Variants in GALNT13 observed in about 807,000 individuals in gnomAD.
GALNT13 encodes the protein UDP-GalNAc:polypeptide N-acetylgalactosaminyltransferase 13.
Under a neutral mutation model 64.2 loss-of-function variants are expected in GALNT13, and 28 were observed. The observed-to-expected ratio is 0.44, with a 90% CI of 0.32 to 0.60. The LOEUF (loss-of-function observed/expected upper bound fraction) is 0.60, where lower values mean the gene tolerates loss of function less well. GALNT13 is among the 20% of genes least tolerant of loss of function. The pLI, the probability that GALNT13 is intolerant of heterozygous loss-of-function variation, is 0.05. For synonymous variants in GALNT13, 214 were observed against 224.6 expected, an observed-to-expected ratio of 0.95 and a Z score of 0.42; for missense variants, 577 against 669.8, an observed-to-expected ratio of 0.86 and a Z score of 1.53.
At chr2:153,111,975 G>T in the GALNT13 span, among the ~76,000 whole-genome samples, 1 of 152,062 alleles carries the variant, frequency 6.6e-6, no homozygotes, top group African/African-American at 2.4e-5. Flanking sequence ...TTATTTAAAA[G>T]ACTATACTAG....
intron 4 of GALNT13, among the ~76,000 whole-genome samples, chr2:154,154,984 A>C (rs1416865327): frequency 1.3e-5 from 2 of 151,768 alleles, no homozygotes; most frequent in Non-Finnish European, 2.9e-5. Flanking sequence ...ATACATATAC[A>C]AAGAGAAACA....
chr2:154,150,309 G>A (rs1450515708), intron 4 of GALNT13, among the ~76,000 whole-genome samples: 2 of 152,098 alleles, frequency 1.3e-5, no homozygotes, highest in Non-Finnish European at 2.9e-5. Flanking sequence ...GCTTTTTGAT[G>A]TGCTGCTGGA....
the GALNT13 span, among the ~76,000 whole-genome samples, chr2:153,370,170 T>C: frequency 1.3e-5 from 2 of 152,306 alleles, no homozygotes; most frequent in Admixed American, 6.5e-5. Flanking sequence ...AGTAATTGTA[T>C]ATCTATTTAT....
At chr2:153,125,333 G>T in the GALNT13 span, among the ~76,000 whole-genome samples, 42 of 151,982 alleles carry the variant, frequency 2.8e-4, no homozygotes, top group African/African-American at 1.0e-3. Context: ...GGTTGTGCAT[G>T]TTTGAAGTTT....
At chr2:154,284,706 C>T (rs1692162173) in intron 8 of GALNT13, among the ~76,000 whole-genome samples, 1 of 152,038 alleles carries the variant, frequency 6.6e-6, no homozygotes, top group African/African-American at 2.4e-5. Flanking sequence ...TGAATATATA[C>T]CCAGAAGTGG....
chr2:154,261,468 A>T (rs988284256), intron 8 of GALNT13, among the ~76,000 whole-genome samples: 1 of 152,120 alleles, frequency 6.6e-6, no homozygotes, highest in African/African-American at 2.4e-5. Context: ...GTAGACATTG[A>T]TAAGGAAAAA....
chr2:154,099,160 C>G (rs1341683788), intron 3 of GALNT13, among the ~76,000 whole-genome samples: 7 of 152,038 alleles, frequency 4.6e-5, no homozygotes, highest in Non-Finnish European at 8.8e-5. Context: ...TTGCATTTGT[C>G]TAACAATTAG....
the GALNT13 span, chr2:153,337,822 TAGTC>T: frequency 1.3e-5 from 2 of 152,178 alleles, no homozygotes; most frequent in Non-Finnish European, 2.9e-5. Flanking sequence ...TTATTAATAA[TAGTC>T]AGAGACCTCA....
the GALNT13 span, among the ~76,000 whole-genome samples, chr2:153,743,797 A>G: frequency 6.6e-6 from 1 of 152,056 alleles, no homozygotes; most frequent in African/African-American, 2.4e-5. Flanking sequence ...TGTACCCATT[A>G]ACCTTCCCCA....
At chr2:153,698,010 A>G in the GALNT13 span, among the ~76,000 whole-genome samples, 1 of 152,216 alleles carries the variant, frequency 6.6e-6, no homozygotes, top group African/African-American at 2.4e-5. Flanking sequence ...TCATAAGTGA[A>G]GGAGAAATAA....
rs144903202 is a variant in GALNT13, at chr2:154,147,319, A to G, written c.311+6814A>G. ...GAGAATGGAATGACTATATACATAT[A>G]TATGTATTTGAATGGAATATATATA... On this transcript the variant is annotated intron_variant, in intron 4 of 12. Transcript: ENST00000392825. 6.0e-5 allele frequency among the ~76,000 whole-genome samples: 9 copies of G among 150,582 alleles called. No individual in the cohort carries two copies. In the East Asian group the frequency reaches 1.7e-3, roughly 29 times the overall value.
At chr2:153,668,546 C>T in the GALNT13 span, among the ~76,000 whole-genome samples, 1 of 151,914 alleles carries the variant, frequency 6.6e-6, no homozygotes, top group African/African-American at 2.4e-5. Context: ...TGACATACTC[C>T]AAGTAGATCT....
the GALNT13 span, among the ~76,000 whole-genome samples, chr2:153,469,824 A>C: frequency 1.3e-5 from 2 of 152,048 alleles, no homozygotes; most frequent in Non-Finnish European, 2.9e-5. Context: ...ATATAAAATC[A>C]ATATTTAAAC....
chr2:153,424,704 G>A, the GALNT13 span, among the ~76,000 whole-genome samples: 1 of 151,842 alleles, frequency 6.6e-6, no homozygotes, highest in Non-Finnish European at 1.5e-5. Flanking sequence ...GAGTAGTTTG[G>A]AAGAACTTGT....
At chr2:153,791,182 GCAAA>G in the GALNT13 span, among the ~76,000 whole-genome samples, 1 of 151,902 alleles carries the variant, frequency 6.6e-6, no homozygotes, top group East Asian at 1.9e-4. Context: ...AAGAAAAAAA[GCAAA>G]CAACCCCATT....
At chr2:153,078,540 A>T in the GALNT13 span, among the ~76,000 whole-genome samples, 1 of 151,600 alleles carries the variant, frequency 6.6e-6, no homozygotes, top group African/African-American at 2.4e-5. Flanking sequence ...TGAACTCCTG[A>T]CCTCAGATGA....
At chr2:154,086,610 T>A (rs1191087003) in intron 3 of GALNT13, among the ~76,000 whole-genome samples, 3 of 151,994 alleles carry the variant, frequency 2.0e-5, no homozygotes, top group Admixed American at 2.0e-4. Context: ...GGTAAATTTC[T>A]ATCCATTAGA....
At chr2:154,343,012 C>T (rs1002614680) in intron 9 of GALNT13, among the ~76,000 whole-genome samples, 2 of 151,894 alleles carry the variant, frequency 1.3e-5, no homozygotes, top group African/African-American at 4.8e-5. Flanking sequence ...GAATTTGCCA[C>T]GCCCATTTTA....
At chr2:153,899,395 G>T (rs1411265558) in intron 1 of GALNT13, among the ~76,000 whole-genome samples, 1 of 152,128 alleles carries the variant, frequency 6.6e-6, no homozygotes, top group Non-Finnish European at 1.5e-5. Flanking sequence ...CTTTATAATT[G>T]TATTGAATTA....
Sources: gnomAD v4.1 joint callset for allele counts (sites outside exome capture counted in the v4.1 genomes callset) on GRCh38, gnomAD v4.1.1 for gene constraint, MANE v1.5 for transcripts, NCBI Gene and HGNC (gene_info 2026-07-23, HGNC 2026-07-21) for gene names.